Variants in TMEM74 observed in about 807,000 individuals in gnomAD.
TMEM74 encodes the protein transmembrane protein 74.
Under a neutral mutation model 18.1 loss-of-function variants are expected in TMEM74, and 13 were observed. That is an observed-to-expected ratio of 0.72 (90% CI 0.47 to 1.14). The LOEUF is 1.14. Ranked by LOEUF, TMEM74 falls within the 50% of genes most tolerant of loss-of-function variation. TMEM74 has a pLI of 0.00. For synonymous variants in TMEM74, 159 were observed against 146.6 expected (o/e 1.08, Z -0.61); for missense variants, 372 against 375.9 (o/e 0.99, Z 0.09).
intron 1 of TMEM74, among the ~76,000 whole-genome samples, chr8:108,760,026 A>T (rs1439757385): frequency 1.3e-5 from 2 of 152,082 alleles, no homozygotes; most frequent in Non-Finnish European, 2.9e-5. Context: ...ACAAAAAATT[A>T]GCCAGGTGTG....
At chr8:108,751,072 C>T (rs147733331) in intron 1 of TMEM74, among the ~76,000 whole-genome samples, 43 of 152,238 alleles carry the variant, frequency 2.8e-4, no homozygotes, top group African/African-American at 5.5e-4. Flanking sequence ...TACCTTCCAC[C>T]GGTAACGCGT....
chr8:108,671,359 C>A (rs1411566152), intron 1 of TMEM74, among the ~76,000 whole-genome samples: 1 of 152,158 alleles, frequency 6.6e-6, no homozygotes, highest in Non-Finnish European at 1.5e-5. Flanking sequence ...TGGAGCTGTA[C>A]CACCCTCTTG....
chr8:108,694,363 A>C (rs1016427158), intron 1 of TMEM74, among the ~76,000 whole-genome samples: 1 of 152,228 alleles, frequency 6.6e-6, no homozygotes, highest in South Asian at 2.1e-4. Flanking sequence ...GTGACATAGT[A>C]CTGATACATG....
At chr8:108,631,780 C>T (rs966445828) in intron 2 of TMEM74, among the ~76,000 whole-genome samples, 1 of 151,864 alleles carries the variant, frequency 6.6e-6, no homozygotes, top group African/African-American at 2.4e-5. Context: ...TTCCTTATTC[C>T]TCTATTTTTG....
At chr8:108,715,372 A>T (rs1201180499) in intron 1 of TMEM74, among the ~76,000 whole-genome samples, 2 of 152,036 alleles carry the variant, frequency 1.3e-5, no homozygotes, top group Non-Finnish European at 1.5e-5. Context: ...GCATTACACG[A>T]TATACTCAGG....
At chr8:108,689,754 A>T (rs74766958) in intron 1 of TMEM74, among the ~76,000 whole-genome samples, 4,468 of 152,254 alleles carry the variant, frequency 0.029, 120 homozygotes, top group African/African-American at 0.066. Context: ...GGAGGCTGGC[A>T]ATCACCTAAT....
intron 2 of TMEM74, among the ~76,000 whole-genome samples, chr8:108,650,478 C>T: frequency 6.6e-6 from 1 of 152,152 alleles, no homozygotes. Flanking sequence ...TATAAAACTC[C>T]ATACCATTGG....
intron 2 of TMEM74, among the ~76,000 whole-genome samples, chr8:108,646,614 A>T (rs1812722872): frequency 6.6e-6 from 1 of 152,124 alleles, no homozygotes; most frequent in African/African-American, 2.4e-5. Context: ...ATTTGTTGTT[A>T]TTGTTGTTAA....
chr8:108,751,978 T>C (rs1813908021), intron 1 of TMEM74, among the ~76,000 whole-genome samples: 1 of 152,130 alleles, frequency 6.6e-6, no homozygotes, highest in Admixed American at 6.6e-5. Flanking sequence ...AAGAGGAAGC[T>C]GCATGGATGC....
At chr8:108,684,108 G>T (rs1813144183) in intron 1 of TMEM74, among the ~76,000 whole-genome samples, 1 of 151,968 alleles carries the variant, frequency 6.6e-6, no homozygotes, top group Non-Finnish European at 1.5e-5. Context: ...CTTTGCTTTG[G>T]ATAAATTACC....
intron 2 of TMEM74, among the ~76,000 whole-genome samples, chr8:108,648,206 T>C (rs1213830388): frequency 6.6e-6 from 1 of 152,054 alleles, no homozygotes; most frequent in Non-Finnish European, 1.5e-5. Flanking sequence ...GGGGTGGCCA[T>C]GTGACTTGTT....
rs368380647 is a variant in TMEM74 at position 108,781,253 on chromosome 8, G to A, written c.*2928C>T. ...CAACCAGCACCATATTGAAGAGACA[G>A]ACGGAAGGTCACAAATCTCCATGAA... is the stretch of plus-strand genomic sequence containing the variant. On this transcript the variant is annotated 3_prime_UTR_variant, in exon 2 of 2. Transcript: ENST00000297459. Among the ~76,000 whole-genome samples the A allele has an allele frequency of 3.1e-4, 47 of 152,330 alleles. No individual in the cohort carries two copies. The highest frequency in any genetic ancestry group is 1.1e-3 in the African/African-American group (47 of 41,576).
chr8:108,633,683 C>G (rs1812577736), intron 2 of TMEM74, among the ~76,000 whole-genome samples: 1 of 151,930 alleles, frequency 6.6e-6, no homozygotes. Flanking sequence ...TTCTCTCTCT[C>G]TGGAAGATTT....
intron 1 of TMEM74, among the ~76,000 whole-genome samples, chr8:108,690,370 A>G (rs1481155852): frequency 6.7e-6 from 1 of 148,912 alleles, no homozygotes; most frequent in Non-Finnish European, 1.5e-5. Flanking sequence ...CTAAATTACA[A>G]TACTGTTTTT....
rs139421739 is a variant in TMEM74, at chr8:108,677,433, A to G, written n.120-21996T>C. Among the ~76,000 whole-genome samples, 295 of 152,310 alleles carry G rather than the reference A, an allele frequency of 1.9e-3. 1 individual carries two copies. Among genetic ancestry groups the G allele is most frequent in the African/African-American group, 6.8e-3 (281 of 41,572 alleles). The stretch of plus-strand genomic sequence containing the variant: ...TTATACGTATCAGTGAGCTAGAAGT[A>G]TGTTAGAGTAAAATATTCTTTAAAA... On this transcript the variant is annotated intron_variant and non_coding_transcript_variant, in intron 1 of 3. Transcript: ENST00000518838.
intron 1 of TMEM74, among the ~76,000 whole-genome samples, chr8:108,693,285 CA>C (rs1563527757): frequency 1.3e-5 from 2 of 152,026 alleles, no homozygotes; most frequent in African/African-American, 2.4e-5. Flanking sequence ...AAAATAACAA[CA>C]AAAAAGAAAG....
chr8:108,700,821 A>T (rs1813327923), intron 1 of TMEM74, among the ~76,000 whole-genome samples: 1 of 152,200 alleles, frequency 6.6e-6, no homozygotes, highest in South Asian at 2.1e-4. Context: ...CAGCTGGAGC[A>T]TGGCAGAGCC....
chr8:108,666,117 C>G (rs1351920400), intron 1 of TMEM74, among the ~76,000 whole-genome samples: 3 of 152,076 alleles, frequency 2.0e-5, no homozygotes, highest in East Asian at 1.9e-4. Context: ...AGGCACAGGT[C>G]TCATTTATTT....
intron 1 of TMEM74, among the ~76,000 whole-genome samples, chr8:108,756,578 A>T (rs1813962816): frequency 8.4e-6 from 1 of 119,364 alleles, no homozygotes; most frequent in Non-Finnish European, 1.7e-5. Context: ...GAAAGAAAGA[A>T]AGAAAGAAAG....
Sources: allele counts gnomAD v4.1 joint callset (sites outside exome capture counted in the v4.1 genomes callset), GRCh38; gene constraint gnomAD v4.1.1; transcripts MANE v1.5; gene names NCBI Gene and HGNC (gene_info 2026-07-23, HGNC 2026-07-21).